The following RFX4 variants were observed in gnomAD, a reference collection of about 807,000 sequenced individuals.
RFX4 encodes the protein transcription factor RFX4.
RFX4 carries 10 observed loss-of-function variants against 95.0 expected under a neutral mutation model. The ratio of observed to expected loss-of-function variants is 0.11; its 90% CI spans 0.06 to 0.18. The LOEUF is 0.18. RFX4 is among the 10% of genes least tolerant of loss of function. The probability of loss-of-function intolerance (pLI) is 1.00; values close to 1 mark genes in which losing one functional copy is unlikely to be tolerated. For missense variants in RFX4, 640 were observed against 922.0 expected (o/e 0.69, Z 3.96); for synonymous variants, 321 against 340.7 (o/e 0.94, Z 0.64).
At position 106,720,891 on chromosome 12, in the gene RFX4, G is replaced by A. The variant is rs1375103286; in HGVS notation, c.1351+15G>A. 2 of 1,608,512 alleles carry A rather than the reference G, an allele frequency of 1.2e-6. No homozygotes were observed. Among genetic ancestry groups the A allele is most frequent in the Admixed American group, 1.7e-5 (1 of 60,016 alleles). On this transcript the variant is annotated intron_variant, in intron 13 of 17. Transcript: ENST00000392842. The surrounding 1 kb of genome is among the most constrained non-coding windows in gnomAD (Gnocchi z 4.2). ...CCCCAGCTTCGGTAAGGCCACCCCA[G>A]CCCTCCCCATCTCCAAGCACTTTTT...
chr12:106,719,070 C>T lies in RFX4; in HGVS notation c.1139-890C>T, dbSNP rs532573363. Among the ~76,000 whole-genome samples, 83 of 151,980 alleles carry T rather than the reference C, an allele frequency of 5.5e-4. 1 individual carries two copies. The highest frequency in any genetic ancestry group is 1.8e-3 in the African/African-American group (75 of 41,426). ...CTGGGAGGTGGAGCTTGCAGTGAGCCGAGATTGCGCCACTGCACTCCAGCC... is the reference window on the plus strand; with the variant it reads ...CTGGGAGGTGGAGCTTGCAGTGAGCTGAGATTGCGCCACTGCACTCCAGCC... On this transcript the variant is annotated intron_variant, in intron 11 of 17. Transcript: ENST00000392842.
intron 10 of RFX4, among the ~76,000 whole-genome samples, 194 bp downstream of exon 10, chr12:106,711,705 G>C (rs775912177): frequency 3.3e-5 from 5 of 152,112 alleles, no homozygotes; most frequent in Non-Finnish European, 7.3e-5. Context: ...ATAATTTCTG[G>C]TATCAGTTGC....
chr12:106,715,462 C>G lies in RFX4; in HGVS notation c.1056C>G (p.Asn352Lys), dbSNP rs766383679. 12 of 1,614,014 alleles carry G rather than the reference C, an allele frequency of 7.4e-6. No homozygotes were observed. The stretch of plus-strand genomic sequence containing the variant: ...TCCAAATGCTGGAAGACTGGAGGAA[C>G]GTGGACCTGAACAGCATCACCAAGC... ...ITFQMLEDWR[N>K]VDLNSITKQT... Residue 352 changes from asparagine (N) to lysine (K), a missense_variant, in exon 11 of 18, where the codon AAC becomes AAG. This residue lies in a region of RFX4 where 96 missense variants were observed against 183.7 expected (regional missense o/e 0.52). Coordinates refer to ENST00000392842, the MANE Select transcript of RFX4 (RefSeq NM_213594.3).
chr12:106,745,558 C>T (rs543567403), intron 15 of RFX4, among the ~76,000 whole-genome samples: 34 of 152,342 alleles, frequency 2.2e-4, no homozygotes, highest in African/African-American at 7.7e-4. Flanking sequence ...ACCAACTCTG[C>T]TTCCTCCCAC....
At chr12:106,629,785 T>G (rs1345667943) in intron 2 of RFX4, among the ~76,000 whole-genome samples, 1 of 152,158 alleles carries the variant, frequency 6.6e-6, no homozygotes, top group Non-Finnish European at 1.5e-5. Context: ...TCCAGCTAAT[T>G]TTTTAAATTT....
intron 8 of RFX4, among the ~76,000 whole-genome samples, chr12:106,707,785 T>TTTG (rs113186251): frequency 0.016 from 2,463 of 151,266 alleles, 67 homozygotes; most frequent in African/African-American, 0.055. Flanking sequence ...AAATAAGAGG[T>TTTG]TTGTTGTTGT....
At chr12:106,739,997 C>T (rs4385986) in intron 15 of RFX4, among the ~76,000 whole-genome samples, 54,957 of 151,986 alleles carry the variant, frequency 0.36, 10,003 homozygotes, top group South Asian at 0.4. Context: ...TCTGTCCCAT[C>T]GGGCCACCGA....
Position 106,758,974 on chromosome 12 carries a change from T to C in RFX4, c.1936-2223T>C, listed in dbSNP as rs547558342. On this transcript the variant is annotated intron_variant, in intron 17 of 17. Transcript: ENST00000392842. Reference sequence around the variant, plus strand: ...CGTCCCAATGTTCATTTGCCAACTATTATTTAGCACCTGCTAGGTGCTAGG... The same window carrying C: ...CGTCCCAATGTTCATTTGCCAACTACTATTTAGCACCTGCTAGGTGCTAGG... Among the ~76,000 whole-genome samples the C allele has an allele frequency of 5.4e-4, 82 of 152,298 alleles. 1 individual carries two copies. In the East Asian group the frequency reaches 6.2e-3, roughly 11 times the overall value.
rs1341834743 is a variant in RFX4 at position 106,583,330 on chromosome 12, G to A, written c.10G>A (p.Gly4Arg). The change falls in exon 1 of 18, where the codon GGG becomes AGG. Residue 4 changes from glycine (G) to arginine (R), a missense_variant. Gly to Arg is a moderately radical substitution (Grantham distance 125, BLOSUM62 -2). Transcript: ENST00000392842. MHC[G>R]LLEEPDMDST... ...TGTCCATGGGAAGAGCATGCATTGT[G>A]GGTTACTGGAGGAACCCGACATGGA... 1 of 1,586,640 alleles carries A rather than the reference G, an allele frequency of 6.3e-7. No individual in the cohort carries two copies. Among genetic ancestry groups the A allele is most frequent in the Non-Finnish European group, 8.5e-7 (1 of 1,170,376 alleles).
At chr12:106,685,553 C>T (rs2041627770) in intron 5 of RFX4, among the ~76,000 whole-genome samples, 1 of 152,156 alleles carries the variant, frequency 6.6e-6, no homozygotes, top group Non-Finnish European at 1.5e-5. Flanking sequence ...GTGCTTGATT[C>T]AGTGCTGATT....
At chr12:106,653,285 G>A (rs1489921969) in intron 3 of RFX4, among the ~76,000 whole-genome samples, 3 of 152,088 alleles carry the variant, frequency 2.0e-5, no homozygotes, top group African/African-American at 7.2e-5. Context: ...CCAATATTTA[G>A]CACACGGTCA....
At chr12:106,597,859 C>T (rs2039644491) in intron 1 of RFX4, among the ~76,000 whole-genome samples, 1 of 151,842 alleles carries the variant, frequency 6.6e-6, no homozygotes, top group Non-Finnish European at 1.5e-5. Flanking sequence ...GATCCCATCT[C>T]TAAAAAAAGG....
chr12:106,587,360 G>A (rs1478118771), intron 1 of RFX4, among the ~76,000 whole-genome samples: 1 of 152,190 alleles, frequency 6.6e-6, no homozygotes, highest in Admixed American at 6.5e-5. Context: ...CTGGCGCAAA[G>A]CAAAATATTA....
chr12:106,666,148 T>A (rs922871502), intron 4 of RFX4, among the ~76,000 whole-genome samples: 1 of 152,076 alleles, frequency 6.6e-6, no homozygotes, highest in Non-Finnish European at 1.5e-5. Flanking sequence ...ATTTCTAGTG[T>A]ACAGAAACTT....
intron 5 of RFX4, chr12:106,684,679 G>A: frequency 6.9e-7 from 1 of 1,456,444 alleles, no homozygotes; most frequent in Non-Finnish European, 9.1e-7. Context: ...CCGGAACCAT[G>A]CTCCTCCCCC....
chr12:106,735,273 A>C, intron 15 of RFX4, among the ~76,000 whole-genome samples: 1 of 152,130 alleles, frequency 6.6e-6, no homozygotes, highest in East Asian at 1.9e-4. Context: ...GTAAGTATAA[A>C]AGTGATGTTA....
chr12:106,584,045 G>A (rs2039415599), intron 1 of RFX4, among the ~76,000 whole-genome samples: 1 of 152,252 alleles, frequency 6.6e-6, no homozygotes, highest in African/African-American at 2.4e-5. Flanking sequence ...AGGGAGGGCA[G>A]GACGCAGACT....
rs977023361 is a variant in RFX4, at chr12:106,595,211, C to G, written c.43+11848C>G. On this transcript the variant is annotated intron_variant, in intron 1 of 17. Coordinates refer to ENST00000392842, the MANE Select transcript of RFX4 (RefSeq NM_213594.3). ...TTAACAATATGTCCAGGCCAAACCC[C>G]TAGTGTCAAACCAGGATTTGAACAC... is the stretch of plus-strand genomic sequence containing the variant. 2.6e-5 allele frequency among the ~76,000 whole-genome samples: 4 copies of G among 152,196 alleles called. No homozygotes were observed. In the East Asian group the frequency reaches 5.8e-4, roughly 22 times the overall value.
Position 106,586,709 on chromosome 12 carries a change from C to A in RFX4, c.43+3346C>A, listed in dbSNP as rs1471326929. ...GGCACGCTAGTTTACAGGCCCCCAG[C>A]TCAGCACAAATTCTTTCTAAAATTC... On this transcript the variant is annotated intron_variant, in intron 1 of 17. Transcript: ENST00000392842. The surrounding 1 kb of genome is among the most constrained non-coding windows in gnomAD (Gnocchi z 5.6). 6.6e-6 allele frequency among the ~76,000 whole-genome samples: 1 copy of A among 152,186 alleles called. No homozygotes were observed. Among genetic ancestry groups the A allele is most frequent in the Non-Finnish European group, 1.5e-5 (1 of 68,030 alleles).
Sources: gnomAD v4.1 joint callset for allele counts (sites outside exome capture counted in the v4.1 genomes callset) on GRCh38, gnomAD v4.1.1 for gene constraint, gnomAD v4.1.1 regional missense constraint, Gnocchi (gnomAD v3.1) non-coding constraint, MANE v1.5 for transcripts, NCBI Gene and HGNC (gene_info 2026-07-23, HGNC 2026-07-21) for gene names.